Variants in SLC7A1 observed in about 807,000 individuals in gnomAD.
SLC7A1 encodes solute carrier family 7 member 1.
SLC7A1 carries 10 observed loss-of-function variants against 53.9 expected under a neutral mutation model. That is an observed-to-expected ratio of 0.19 (90% confidence interval 0.11 to 0.31). SLC7A1 has a LOEUF of 0.31. Among genes scored for constraint, SLC7A1 ranks in the 10% least tolerant of loss-of-function variants. The pLI, the probability that SLC7A1 is intolerant of heterozygous loss-of-function variation, is 1.00. For missense variants in SLC7A1, 525 were observed against 827.2 expected, an observed-to-expected ratio of 0.63 and a Z score of 4.48; for synonymous variants, 342 against 338.7, an observed-to-expected ratio of 1.01 and a Z score of -0.11.
intron 1 of SLC7A1, among the ~76,000 whole-genome samples, chr13:29,583,138 C>T (rs1017091558): frequency 2.3e-4 from 35 of 152,212 alleles, no homozygotes; most frequent in African/African-American, 8.0e-4. Context: ...GACCTGGCAG[C>T]GATGTGGCCT....
At position 29,592,305 on chromosome 13, in the gene SLC7A1, G is replaced by A. The variant is rs139376973; in HGVS notation, c.-115+3111C>T. ...GAAAAAAGCCCAATGAAAGCCACTG[G>A]GTGTGGCAGGAGGGGCAAACCACAG... On this transcript the variant is annotated intron_variant, in intron 1 of 12. Transcript: ENST00000380752. Among the ~76,000 whole-genome samples, 1,237 of 152,296 alleles carry A rather than the reference G, an allele frequency of 8.1e-3. 19 individuals are homozygous for A. Among genetic ancestry groups the A allele is most frequent in the African/African-American group, 0.028 (1,161 of 41,564 alleles).
chr13:29,529,482 AC>A (rs1398367216), intron 5 of SLC7A1, among the ~76,000 whole-genome samples: 4 of 152,152 alleles, frequency 2.6e-5, no homozygotes, highest in Non-Finnish European at 4.4e-5. Context: ...TCCTGAACAG[AC>A]CTGAGCACTC....
chr13:29,530,036 T>TGC (rs1869080802), intron 5 of SLC7A1, among the ~76,000 whole-genome samples: 1 of 152,236 alleles, frequency 6.6e-6, no homozygotes. Flanking sequence ...GAAAGACTAT[T>TGC]GTGCTCACAT....
chr13:29,581,416 T>C (rs896595073), intron 1 of SLC7A1, among the ~76,000 whole-genome samples: 1 of 151,970 alleles, frequency 6.6e-6, no homozygotes, highest in African/African-American at 2.4e-5. Flanking sequence ...GAAGTAAACA[T>C]AGGTCAGACA....
rs1869222251 is a variant in SLC7A1, at chr13:29,532,741, TA to T, written c.529+82del. 4.0e-6 allele frequency: 5 copies of T among 1,238,948 alleles called. No individual in the cohort carries two copies. In the African/African-American group the frequency reaches 7.6e-5, roughly 19 times the overall value. The allele number at this position is 1,238,948 out of a possible 1,614,324, so 76.7% of individuals were successfully genotyped here. ...TGGGGGTTATGGTTAAAGAGATAAG[TA>T]AAGAAAGGAACTTAACAGGAGCCTC... is the stretch of plus-strand genomic sequence containing the variant. On this transcript the variant is annotated intron_variant, in intron 4 of 12. Coordinates refer to ENST00000380752, the MANE Select transcript of SLC7A1 (RefSeq NM_003045.5).
intron 1 of SLC7A1, among the ~76,000 whole-genome samples, chr13:29,592,053 C>A (rs961374436): frequency 6.6e-6 from 1 of 152,194 alleles, no homozygotes; most frequent in Non-Finnish European, 1.5e-5. Flanking sequence ...GTCTAAATTA[C>A]TTCAGAGAGA....
chr13:29,521,574 T>C (rs973977123), intron 8 of SLC7A1, among the ~76,000 whole-genome samples: 2 of 152,154 alleles, frequency 1.3e-5, no homozygotes, highest in East Asian at 3.9e-4. Context: ...CGAAATGCAA[T>C]TGCGAAAGGG....
intron 2 of SLC7A1, among the ~76,000 whole-genome samples, chr13:29,539,125 G>A (rs530061976): frequency 1.7e-4 from 26 of 152,144 alleles, no homozygotes; most frequent in African/African-American, 4.6e-4. Context: ...AGAAGGGGTC[G>A]CCCTGCCTTT....
intron 2 of SLC7A1, among the ~76,000 whole-genome samples, chr13:29,546,837 G>A (rs1280971493): frequency 6.6e-6 from 1 of 152,182 alleles, no homozygotes; most frequent in Non-Finnish European, 1.5e-5. Flanking sequence ...AGTGAGCGGG[G>A]CCTGCTAGAA....
chr13:29,590,883 C>G (rs1872080401), intron 1 of SLC7A1, among the ~76,000 whole-genome samples: 1 of 152,118 alleles, frequency 6.6e-6, no homozygotes, highest in South Asian at 2.1e-4. Flanking sequence ...GCAGGTGGAT[C>G]ACTTGAGGCC....
chr13:29,545,362 C>T (rs1024820401), intron 2 of SLC7A1, among the ~76,000 whole-genome samples: 1 of 152,036 alleles, frequency 6.6e-6, no homozygotes, highest in Admixed American at 6.5e-5. Context: ...ACTGTGGGGA[C>T]CAGCTCAGGT....
intron 1 of SLC7A1, among the ~76,000 whole-genome samples, chr13:29,574,220 T>C (rs1871314498): frequency 6.6e-6 from 1 of 152,144 alleles, no homozygotes; most frequent in African/African-American, 2.4e-5. Flanking sequence ...AGTGTGACAT[T>C]CTCTTTCATT....
At chr13:29,584,479 G>A (rs1871792368) in intron 1 of SLC7A1, among the ~76,000 whole-genome samples, 2 of 152,114 alleles carry the variant, frequency 1.3e-5, no homozygotes, top group South Asian at 2.1e-4. Context: ...ATTTTTAAGA[G>A]TACTGTAAAG....
chr13:29,563,868 G>A (rs1488036193), intron 1 of SLC7A1, among the ~76,000 whole-genome samples: 1 of 152,180 alleles, frequency 6.6e-6, no homozygotes, highest in Non-Finnish European at 1.5e-5. Flanking sequence ...AAAAAGACAG[G>A]GTTTTGGTGC....
chr13:29,523,905 C>T (rs557076167), intron 6 of SLC7A1, among the ~76,000 whole-genome samples: 3 of 152,326 alleles, frequency 2.0e-5, no homozygotes, highest in South Asian at 2.1e-4. Flanking sequence ...ATTCTAACAG[C>T]GGAACCTTAG....
In SLC7A1 at chr13:29,513,272, T is replaced by C. The variant is rs1482839337; in HGVS notation, c.*1208A>G. The C allele has an allele frequency of 6.5e-6, 1 of 152,674 alleles. No homozygotes were observed. The highest frequency in any genetic ancestry group is 1.5e-5 in the Non-Finnish European group (1 of 68,054). The allele number at this position is 152,674 out of a possible 1,614,324, so 9.5% of individuals were successfully genotyped here. A position where few individuals can be genotyped will look rare whatever the true frequency, so the allele number is the denominator to read the frequency against. The stretch of plus-strand genomic sequence containing the variant: ...GACAGATACACAAAAGGGACAGCAA[T>C]ATGCCTAGAAATCACCTCCCCTGCG... On this transcript the variant is annotated 3_prime_UTR_variant, in exon 13 of 13. Coordinates refer to ENST00000380752, the MANE Select transcript of SLC7A1 (RefSeq NM_003045.5).
At chr13:29,585,276 G>A (rs1306530367) in intron 1 of SLC7A1, among the ~76,000 whole-genome samples, 1 of 152,210 alleles carries the variant, frequency 6.6e-6, no homozygotes, top group African/African-American at 2.4e-5. Flanking sequence ...CCATCCCCTA[G>A]TGCCAGCAGT....
At chr13:29,581,288 CA>C (rs1304105486) in intron 1 of SLC7A1, among the ~76,000 whole-genome samples, 1 of 152,132 alleles carries the variant, frequency 6.6e-6, no homozygotes, top group Non-Finnish European at 1.5e-5. Context: ...CAGGCGTTTG[CA>C]GAAAATACAG....
chr13:29,588,064 G>T (rs187640372), intron 1 of SLC7A1, among the ~76,000 whole-genome samples: 1 of 152,076 alleles, frequency 6.6e-6, no homozygotes, highest in African/African-American at 2.4e-5. Context: ...CTAACTTTTA[G>T]AAACACTTTT....
Sources: allele counts gnomAD v4.1 joint callset (sites outside exome capture counted in the v4.1 genomes callset), GRCh38; gene constraint gnomAD v4.1.1; transcripts MANE v1.5; gene names NCBI Gene and HGNC (gene_info 2026-07-23, HGNC 2026-07-21).